The following MOK variants were observed in gnomAD, a reference collection of about 807,000 sequenced individuals.
The protein encoded by MOK is MOK protein kinase.
Under a neutral mutation model 54.2 loss-of-function variants are expected in MOK, and 59 were observed. The observed-to-expected ratio is 1.09, with a 90% confidence interval of 0.88 to 1.35. The LOEUF (loss-of-function observed/expected upper bound fraction) is 1.35, where lower values mean the gene tolerates loss of function less well. Ranked by LOEUF, MOK falls within the 40% of genes most tolerant of loss-of-function variation. MOK has a pLI of 0.00. For missense variants in MOK, 517 were observed against 526.2 expected, an observed-to-expected ratio of 0.98 and a Z score of 0.17; for synonymous variants, 210 against 202.7, an observed-to-expected ratio of 1.04 and a Z score of -0.31.
At position 102,245,433 on chromosome 14, in the gene MOK, A is replaced by G. The variant is rs964494620; in HGVS notation, c.590+5379T>C. Among the ~76,000 whole-genome samples the G allele has an allele frequency of 2.0e-5, 3 of 152,142 alleles. No homozygotes were observed. The highest frequency in any genetic ancestry group is 4.4e-5 in the Non-Finnish European group (3 of 68,030). ...GGCCTCTAAGCCCAAGCCTGCACAT[A>G]TACATCCAGATGGCCTGAAGCAAGT... On this transcript the variant is annotated intron_variant, in intron 7 of 11. Transcript: ENST00000361847. This position sits in a 1 kb window ranked among gnomAD's most constrained non-coding sequence, Gnocchi z 4.3.
At chr14:102,280,284 T>C (rs1011227656) in intron 2 of MOK, among the ~76,000 whole-genome samples, 2 of 151,984 alleles carry the variant, frequency 1.3e-5, no homozygotes, top group African/African-American at 2.4e-5. Context: ...GCACAACTCA[T>C]TGCAGCATCA....
At chr14:102,257,471 T>A (rs1367386121) in intron 4 of MOK, among the ~76,000 whole-genome samples, 3 of 152,194 alleles carry the variant, frequency 2.0e-5, no homozygotes, top group African/African-American at 7.2e-5. Context: ...TCTATCCATA[T>A]CACAGAGTAA....
downstream of MOK, chr14:102,223,122 G>T: frequency 2.5e-6 from 1 of 395,642 alleles, no homozygotes; most frequent in Non-Finnish European, 4.5e-6. Context: ...AAGAAATGGA[G>T]TTTTCTTGCT....
At position 102,241,327 on chromosome 14, in the gene MOK, C is replaced by G. The variant is rs562298295; in HGVS notation, c.591-7538G>C. ...AATTCTTCCTCAGCCTCCACTCCCC[C>G]ACCCTATAATCCTTTAATCACCTCC... On this transcript the variant is annotated intron_variant, in intron 7 of 11. Coordinates refer to ENST00000361847, the MANE Select transcript of MOK (RefSeq NM_014226.3). 1.2e-3 allele frequency among the ~76,000 whole-genome samples: 179 copies of G among 152,294 alleles called. 1 individual carries two copies. Among genetic ancestry groups the G allele is most frequent in the African/African-American group, 4.2e-3 (176 of 41,554 alleles).
In MOK at chr14:102,283,542, T is replaced by G; in HGVS notation, c.58A>C (p.Lys20Gln). Residue 20 changes from lysine to glutamine, a missense_variant, in exon 2 of 12, where the codon AAG becomes CAG. Lys to Gln is a moderately conservative substitution (Grantham distance 53, BLOSUM62 1). Coordinates refer to ENST00000361847, the MANE Select transcript of MOK (RefSeq NM_014226.3). ...IGEGTFSEVMKMQSLRDGNYY... is the reference protein window; with the variant it reads ...IGEGTFSEVMQMQSLRDGNYY... ...TTTCCATCTCTCAGGCTTTGCATCTTCATAACTTCAGAAAACGTTCCCTCT... is the reference window on the plus strand; with the variant it reads ...TTTCCATCTCTCAGGCTTTGCATCTGCATAACTTCAGAAAACGTTCCCTCT... 1 of 1,613,734 alleles carries G rather than the reference T, an allele frequency of 6.2e-7. No homozygotes were observed. The highest frequency in any genetic ancestry group is 8.5e-7 in the Non-Finnish European group (1 of 1,179,840).
At chr14:102,242,963 A>G (rs1197180330) in intron 7 of MOK, among the ~76,000 whole-genome samples, 1 of 152,066 alleles carries the variant, frequency 6.6e-6, no homozygotes, top group Admixed American at 6.6e-5. Flanking sequence ...AGGCTCAGCA[A>G]ATTACCTGGG....
chr14:102,215,124 C>A, the MOK span: 2 of 432,222 alleles, frequency 4.6e-6, no homozygotes, highest in Non-Finnish European at 6.2e-6. Flanking sequence ...TATAGAACAG[C>A]CAGCCACCGG....
rs2065206051 is a variant in MOK, at chr14:102,236,191, C to T, written c.591-2402G>A. Among the ~76,000 whole-genome samples the T allele has an allele frequency of 6.6e-6, 1 of 152,254 alleles. No homozygotes were observed. Among genetic ancestry groups the T allele is most frequent in the Non-Finnish European group, 1.5e-5 (1 of 68,040 alleles). On this transcript the variant is annotated intron_variant, in intron 7 of 11. Transcript: ENST00000361847. The surrounding 1 kb of genome is among the most constrained non-coding windows in gnomAD (Gnocchi z 4.5). Reference sequence around the variant, plus strand: ...CAAAAAGTGAAGAACCGCTTGCATTCCCGCAGCTCCTCAGCCTAGCCGCTG... The same window carrying T: ...CAAAAAGTGAAGAACCGCTTGCATTTCCGCAGCTCCTCAGCCTAGCCGCTG...
At chr14:102,271,466 A>C (rs1447414023) in intron 2 of MOK, among the ~76,000 whole-genome samples, 3 of 152,234 alleles carry the variant, frequency 2.0e-5, no homozygotes, top group Non-Finnish European at 4.4e-5. Context: ...TAAAAAAGAA[A>C]TACTCTTACA....
At chr14:102,229,923 T>A in intron 10 of MOK, 1 of 446,070 alleles carries the variant, frequency 2.2e-6, no homozygotes, top group Non-Finnish European at 4.0e-6. Context: ...GCTCGCGGGC[T>A]GTGGTGCCCA....
At chr14:102,288,304 C>T (rs747964612) in intron 1 of MOK, among the ~76,000 whole-genome samples, 7 of 152,124 alleles carry the variant, frequency 4.6e-5, no homozygotes, top group Non-Finnish European at 8.8e-5. Flanking sequence ...AGGAGATGAA[C>T]GGATAAACAA....
In MOK at chr14:102,245,172, T is replaced by C. The variant is rs192639660; in HGVS notation, c.590+5640A>G. On this transcript the variant is annotated intron_variant, in intron 7 of 11. Coordinates refer to ENST00000361847, the MANE Select transcript of MOK (RefSeq NM_014226.3). The surrounding 1 kb of genome is among the most constrained non-coding windows in gnomAD (Gnocchi z 4.3). The stretch of plus-strand genomic sequence containing the variant: ...ATCCAGGCCATCACCAATCATTCTA[T>C]ATGACAAATGCTCCTTCTAAGAACC... Among the ~76,000 whole-genome samples the C allele has an allele frequency of 2.0e-5, 3 of 152,116 alleles. No individual in the cohort carries two copies. The highest frequency in any genetic ancestry group is 6.5e-5 in the Admixed American group (1 of 15,284).
In MOK at chr14:102,304,151, A is replaced by G. The variant is rs560141617; in HGVS notation, c.7+811T>C. 2.6e-5 allele frequency among the ~76,000 whole-genome samples: 4 copies of G among 152,370 alleles called. No homozygotes were observed. In the South Asian group the frequency reaches 8.3e-4, roughly 32 times the overall value. Reference sequence around the variant, plus strand: ...ATGTTATGCAATGTACACCATTGACAATTAGGATACAATGCAAATTTAACA... The same window carrying G: ...ATGTTATGCAATGTACACCATTGACGATTAGGATACAATGCAAATTTAACA... On this transcript the variant is annotated intron_variant, in intron 1 of 11. Coordinates refer to ENST00000361847, the MANE Select transcript of MOK (RefSeq NM_014226.3).
chr14:102,302,015 GT>G (rs1423796662), intron 1 of MOK, among the ~76,000 whole-genome samples: 1 of 151,712 alleles, frequency 6.6e-6, no homozygotes, highest in East Asian at 1.9e-4. Context: ...GCGTCCCGAA[GT>G]GCTGGGATTA....
At chr14:102,304,539 A>T (rs1263703850) in intron 1 of MOK, among the ~76,000 whole-genome samples, 3 of 152,262 alleles carry the variant, frequency 2.0e-5, no homozygotes, top group Non-Finnish European at 4.4e-5. Context: ...CAGTATCATG[A>T]AAAGGCAGGG....
intron 4 of MOK, among the ~76,000 whole-genome samples, chr14:102,254,483 C>A (rs890572273): frequency 6.6e-6 from 1 of 152,210 alleles, no homozygotes; most frequent in Non-Finnish European, 1.5e-5. Flanking sequence ...CCTTCACACA[C>A]GCAGCAGAAT....
chr14:102,239,494 A>C (rs1343029954), intron 7 of MOK, among the ~76,000 whole-genome samples: 1 of 132,350 alleles, frequency 7.6e-6, no homozygotes, highest in Non-Finnish European at 1.8e-5. Flanking sequence ...TCTCCTCTGC[A>C]AACAGGCACA....
At chr14:102,225,070 T>G (rs1402865121), downstream of MOK, 3 of 324,190 alleles carry the variant, frequency 9.3e-6, no homozygotes, top group Non-Finnish European at 1.8e-5. Context: ...TCTAGAATTA[T>G]TTTCTGTTTA....
rs2064392946 is a variant in MOK, at chr14:102,229,101, G to A, written c.*188C>T. Reference sequence around the variant, plus strand: ...GTGGTTTTACAAGTATATTAGCCCAGAACATCCTAGGCAGCTGCGCGGGCC... The same window carrying A: ...GTGGTTTTACAAGTATATTAGCCCAAAACATCCTAGGCAGCTGCGCGGGCC... On this transcript the variant is annotated 3_prime_UTR_variant, in exon 12 of 12. Transcript: ENST00000361847. 2 of 581,326 alleles carry A rather than the reference G, an allele frequency of 3.4e-6. No homozygotes were observed. Among genetic ancestry groups the A allele is most frequent in the Non-Finnish European group, 3.0e-6 (1 of 338,444 alleles). The allele number at this position is 581,326 out of a possible 1,614,324, so 36.0% of individuals were successfully genotyped here. A position where few individuals can be genotyped will look rare whatever the true frequency, so the allele number is the denominator to read the frequency against.
Sources: allele counts gnomAD v4.1 joint callset (sites outside exome capture counted in the v4.1 genomes callset), GRCh38; gene constraint gnomAD v4.1.1; non-coding constraint Gnocchi (gnomAD v3.1); transcripts MANE v1.5; gene names NCBI Gene and HGNC (gene_info 2026-07-23, HGNC 2026-07-21).